BLK: variants seen among roughly 807,000 people sequenced by gnomAD.
The protein encoded by BLK is BLK proto-oncogene, Src family tyrosine kinase.
Under a neutral mutation model 61.8 loss-of-function variants are expected in BLK, and 64 were observed. The ratio of observed to expected loss-of-function variants is 1.03; its 90% confidence interval spans 0.85 to 1.27. The LOEUF (loss-of-function observed/expected upper bound fraction) is 1.27, where lower values mean the gene tolerates loss of function less well. BLK is among the 50% of genes most tolerant of loss of function. The pLI, the probability that BLK is intolerant of heterozygous loss-of-function variation, is 0.00. For missense variants in BLK, 853 were observed against 660.5 expected (o/e 1.29, Z -3.19); for synonymous variants, 351 against 272.0 (o/e 1.29, Z -2.86).
At chr8:11,545,725 G>C (rs890204265) in intron 2 of BLK, 1 of 400,062 alleles carries the variant, frequency 2.5e-6, no homozygotes, top group African/African-American at 2.0e-5. Context: ...ACAAATACCC[G>C]TTTGCAGTTT....
intron 2 of BLK, 118 bp downstream of exon 2, chr8:11,543,465 C>A: frequency 1.4e-6 from 2 of 1,387,400 alleles, no homozygotes; most frequent in Non-Finnish European, 2.0e-6. Context: ...TAACGATCTG[C>A]AATGTATAAG....
intron 1 of BLK, among the ~76,000 whole-genome samples, chr8:11,537,625 C>T (rs539137188): frequency 6.6e-6 from 1 of 152,328 alleles, no homozygotes; most frequent in Non-Finnish European, 1.5e-5. Context: ...CACCCTCCAG[C>T]TGCCAGCTCT....
intron 10 of BLK, chr8:11,561,020 A>G (rs772111459): frequency 1.1e-5 from 7 of 618,276 alleles, no homozygotes; most frequent in African/African-American, 5.4e-5. Context: ...TCTATCTTCC[A>G]TCTCTGCAGA....
rs1166897434 is a variant in BLK, at chr8:11,548,051, T to C, written c.195T>C (p.Ala65=). The C allele has an allele frequency of 1.9e-6, 3 of 1,614,044 alleles. No homozygotes were observed. Among genetic ancestry groups the C allele is most frequent in the African/African-American group, 1.3e-5 (1 of 75,030 alleles). ...TTTTAGACAAGCATTTCGTGGTGGC[T>C]CTGTATGACTACACCGCTATGAATG... ...HLDEDKHFVV[A]LYDYTAMNDR... is the part of the protein sequence containing the mutation. Residue 65 remains alanine (A), a synonymous_variant, in exon 4 of 13, where the codon GCT becomes GCC. Transcript: ENST00000259089.
chr8:11,495,202 T>C, intron 1 of BLK, among the ~76,000 whole-genome samples: 1 of 152,342 alleles, frequency 6.6e-6, no homozygotes, highest in East Asian at 1.9e-4. Context: ...TGAAAGGATT[T>C]GTGTAAATTG....
At chr8:11,514,585 C>T (rs1466842649) in intron 1 of BLK, among the ~76,000 whole-genome samples, 1 of 152,172 alleles carries the variant, frequency 6.6e-6, no homozygotes, top group Non-Finnish European at 1.5e-5. Flanking sequence ...ATGCTGCTCC[C>T]AGCCGAAGCT....
intron 1 of BLK, among the ~76,000 whole-genome samples, chr8:11,540,561 A>G (rs961985676): frequency 1.6e-4 from 24 of 152,218 alleles, no homozygotes; most frequent in Non-Finnish European, 5.9e-5. Context: ...AACAAGAAAA[A>G]CATCACAATC....
At chr8:11,510,709 T>G (rs1165066083) in intron 1 of BLK, among the ~76,000 whole-genome samples, 1 of 151,986 alleles carries the variant, frequency 6.6e-6, no homozygotes, top group South Asian at 2.1e-4. Flanking sequence ...AGTAATGGGA[T>G]AGGGAATATA....
Position 11,555,503 on chromosome 8 carries a change from G to A in BLK, c.772+19G>A, listed in dbSNP as rs563038217. 2.5e-6 allele frequency: 4 copies of A among 1,613,978 alleles called. No individual in the cohort carries two copies. The South Asian group carries it at 4.4e-5, about 18-fold the overall frequency. On this transcript the variant is annotated intron_variant, in intron 8 of 12. Coordinates refer to ENST00000259089, the MANE Select transcript of BLK (RefSeq NM_001715.3). ...TGGATGGGTGAGTGTGTGCACACGT[G>A]GGAGCATTTCTCCCCCCATTCCACC... is the stretch of plus-strand genomic sequence containing the variant.
At chr8:11,562,864 G>T in intron 11 of BLK, 115 bp from the exon 12 acceptor site, 1 of 1,477,092 alleles carries the variant, frequency 6.8e-7, no homozygotes, top group Admixed American at 1.8e-5. Context: ...CCCGCCCTGT[G>T]AGGCCCCGCA....
rs1477848758 is a variant in BLK at position 11,564,350 on chromosome 8, C to A, written c.*242C>A. 1 of 696,860 alleles carries A rather than the reference C, an allele frequency of 1.4e-6. No individual in the cohort carries two copies. The highest frequency in any genetic ancestry group is 2.0e-5 in the Admixed American group (1 of 49,696). The allele number at this position is 696,860 out of a possible 1,614,324, so 43.2% of individuals were successfully genotyped here. On this transcript the variant is annotated 3_prime_UTR_variant, in exon 13 of 13. Coordinates refer to ENST00000259089, the MANE Select transcript of BLK (RefSeq NM_001715.3). Reference sequence around the variant, plus strand: ...TTGTAGAGGGCTGTAACAGTGACCTCGCACGGTCATCCGGAGTACTAAGCC... The same window carrying A: ...TTGTAGAGGGCTGTAACAGTGACCTAGCACGGTCATCCGGAGTACTAAGCC...
intron 1 of BLK, among the ~76,000 whole-genome samples, chr8:11,539,076 T>G (rs981315149): frequency 2.4e-4 from 35 of 145,174 alleles, no homozygotes; most frequent in African/African-American, 8.8e-4. Flanking sequence ...AGTCCGCTGG[T>G]TTTTTTTTTG....
chr8:11,556,508 CCA>C, intron 8 of BLK, 148 bp from the exon 9 acceptor site: 1 of 937,926 alleles, frequency 1.1e-6, no homozygotes, highest in Non-Finnish European at 1.7e-6. Flanking sequence ...AAGGTAGGCA[CCA>C]CACAACCATG....
chr8:11,528,400 C>T (rs1799758221), intron 1 of BLK, among the ~76,000 whole-genome samples: 1 of 152,128 alleles, frequency 6.6e-6, no homozygotes. Context: ...GGTTTATGGC[C>T]AGCAATGACC....
At chr8:11,557,941 T>C (rs201949582) in intron 9 of BLK, 21 bp from the exon 10 acceptor site, 153 of 1,612,702 alleles carry the variant, frequency 9.5e-5, no homozygotes, top group Non-Finnish European at 1.2e-4. Flanking sequence ...AGAAGGGCAC[T>C]TGCAACTTCT....
intron 2 of BLK, among the ~76,000 whole-genome samples, chr8:11,545,416 G>C (rs772481577): frequency 1.3e-5 from 2 of 152,302 alleles, no homozygotes; most frequent in Non-Finnish European, 2.9e-5. Flanking sequence ...GGGCGTGATG[G>C]CGGGCACCTG....
chr8:11,550,566 G>A (rs1211523460), intron 6 of BLK, among the ~76,000 whole-genome samples: 5 of 152,268 alleles, frequency 3.3e-5, no homozygotes. Context: ...GGCCAGGGAA[G>A]GGGGAACCCT....
intron 1 of BLK, among the ~76,000 whole-genome samples, chr8:11,504,749 G>A (rs1443337752): frequency 6.6e-6 from 1 of 152,226 alleles, no homozygotes; most frequent in Non-Finnish European, 1.5e-5. Flanking sequence ...CCCTTGAGAT[G>A]AGGCCTGATA....
chr8:11,541,490 GTC>G (rs977046208), intron 1 of BLK, among the ~76,000 whole-genome samples: 1 of 146,156 alleles, frequency 6.8e-6, no homozygotes, highest in African/African-American at 2.5e-5. Context: ...CAAACCCATC[GTC>G]TCTCTCTCTT....
Sources: allele counts gnomAD v4.1 joint callset (sites outside exome capture counted in the v4.1 genomes callset), GRCh38; gene constraint gnomAD v4.1.1; transcripts MANE v1.5; gene names NCBI Gene and HGNC (gene_info 2026-07-23, HGNC 2026-07-21).